TESC: variants seen among roughly 807,000 people sequenced by gnomAD.
The protein encoded by TESC is calcineurin B homologous protein 3.
TESC carries 19 observed loss-of-function variants against 31.0 expected under a neutral mutation model. The observed-to-expected ratio is 0.61, with a 90% CI of 0.43 to 0.90. The LOEUF is 0.90. Ranked by LOEUF, TESC falls within the 40% of genes least tolerant of loss-of-function variation. The pLI, the probability that TESC is intolerant of heterozygous loss-of-function variation, is 0.00. For synonymous variants in TESC, 109 were observed against 114.8 expected (o/e 0.95, Z 0.32); for missense variants, 248 against 303.8 (o/e 0.82, Z 1.36).
chr12:117,075,348 G>C lies in TESC; in HGVS notation c.59-8C>G. The C allele has an allele frequency of 6.2e-7, 1 of 1,607,512 alleles. No individual in the cohort carries two copies. The highest frequency in any genetic ancestry group is 8.5e-7 in the Non-Finnish European group (1 of 1,179,438). On this transcript the variant is annotated splice_region_variant and splice_polypyrimidine_tract_variant and intron_variant, in intron 1 of 7. Coordinates refer to ENST00000335209, the MANE Select transcript of TESC (RefSeq NM_017899.4). ...CGATCTGATCCGATGAGACTGAGAA[G>C]TGGGGGAAAGAGAGAAAAACAAGAC...
At chr12:117,057,845 A>C (rs1168265663) in intron 2 of TESC, among the ~76,000 whole-genome samples, 2 of 152,158 alleles carry the variant, frequency 1.3e-5, no homozygotes, top group Non-Finnish European at 2.9e-5. Context: ...GGCTCACTGC[A>C]ACCACAATGG....
At chr12:117,077,879 T>C (rs143012710) in intron 1 of TESC, among the ~76,000 whole-genome samples, 4 of 152,258 alleles carry the variant, frequency 2.6e-5, no homozygotes, top group African/African-American at 9.6e-5. Context: ...AGTCGTGTTC[T>C]CGGAAACCTC....
chr12:117,088,403 G>A (rs1203930287), intron 1 of TESC, among the ~76,000 whole-genome samples: 6 of 152,136 alleles, frequency 3.9e-5, no homozygotes, highest in African/African-American at 1.4e-4. Context: ...AAGGTTGGCC[G>A]GGCACAGTGG....
chr12:117,062,617 G>A (rs1199439391), intron 2 of TESC, among the ~76,000 whole-genome samples: 2 of 135,130 alleles, frequency 1.5e-5, no homozygotes, highest in African/African-American at 6.6e-5. Context: ...GTGGCATGGT[G>A]GTTGGTGCCT....
At position 117,097,100 on chromosome 12, in the gene TESC, CT is replaced by C. The variant is rs144401978; in HGVS notation, c.58+2124del. 4.4e-3 allele frequency among the ~76,000 whole-genome samples: 673 copies of C among 152,342 alleles called. 3 individuals carry two copies. The highest frequency in any genetic ancestry group is 0.015 in the African/African-American group (630 of 41,580). On this transcript the variant is annotated intron_variant, in intron 1 of 7. Transcript: ENST00000335209. ...CGAGTCATCTCTAAATCCCCAGCCC[CT>C]GGTCTATAAATATTTGCTAAGTGGG...
intron 3 of TESC, among the ~76,000 whole-genome samples, chr12:117,056,449 C>T (rs191388443): frequency 5.9e-4 from 84 of 141,560 alleles, no homozygotes; most frequent in African/African-American, 2.3e-3. Context: ...TCATGGCTCA[C>T]TGCAGCCTCG....
intron 1 of TESC, among the ~76,000 whole-genome samples, chr12:117,092,545 G>A (rs1467001568): frequency 6.6e-6 from 1 of 152,232 alleles, no homozygotes; most frequent in African/African-American, 2.4e-5. Flanking sequence ...GAGGCTGGGG[G>A]GGTCCCATGA....
At position 117,086,268 on chromosome 12, in the gene TESC, A is replaced by AT. The variant is rs113210754; in HGVS notation, c.59-10929dup. Among the ~76,000 whole-genome samples the AT allele has an allele frequency of 6.4e-3, 942 of 147,944 alleles. 8 individuals are homozygous for AT. The highest frequency in any genetic ancestry group is 0.025 in the Admixed American group (370 of 14,806). On this transcript the variant is annotated intron_variant, in intron 1 of 7. Coordinates refer to ENST00000335209, the MANE Select transcript of TESC (RefSeq NM_017899.4). ...TAATGCCAATGAATTATACACTTTA[A>AT]TTTTTTTTTTTTTAATAGGGATGGG...
chr12:117,068,404 C>T (rs1333215671), intron 2 of TESC, among the ~76,000 whole-genome samples: 3 of 152,088 alleles, frequency 2.0e-5, no homozygotes, highest in Non-Finnish European at 2.9e-5. Flanking sequence ...GAGGTGGGTG[C>T]CATAATCCCA....
chr12:117,073,025 G>A (rs763011118), intron 2 of TESC, among the ~76,000 whole-genome samples: 26 of 152,170 alleles, frequency 1.7e-4, no homozygotes, highest in Non-Finnish European at 3.4e-4. Flanking sequence ...AGCAAAGCAC[G>A]CCCTTGACAC....
chr12:117,094,734 C>G (rs192692406), intron 1 of TESC, among the ~76,000 whole-genome samples: 67 of 152,138 alleles, frequency 4.4e-4, no homozygotes, highest in African/African-American at 1.6e-3. Flanking sequence ...ACAGGGTTAA[C>G]GCTGTGCGCG....
In TESC at chr12:117,041,962, GA is replaced by G; in HGVS notation, c.551del (p.Phe184SerfsTer5). ...EPDQVYEGIT[F>X]EDFLKIWQGI... ...GGCCACCCACCTTCAGGAAGTCCTC[GA>G]AGGTGATCCCCTCGTACACCTGATC... On this transcript the variant is annotated frameshift_variant, in exon 7 of 8. Transcript: ENST00000335209. LOFTEE classifies it high-confidence loss of function. The G allele has an allele frequency of 6.3e-7, 1 of 1,593,036 alleles. No homozygotes were observed. Among genetic ancestry groups the G allele is most frequent in the Non-Finnish European group, 8.6e-7 (1 of 1,169,404 alleles).
Position 117,099,385 on chromosome 12 carries a change from G to C in TESC, c.-103C>G. 8.4e-7 allele frequency: 1 copy of C among 1,185,316 alleles called. No homozygotes were observed. The highest frequency in any genetic ancestry group is 1.1e-6 in the Non-Finnish European group (1 of 929,350). The allele number at this position is 1,185,316 out of a possible 1,614,324, so 73.4% of individuals were successfully genotyped here. On this transcript the variant is annotated 5_prime_UTR_variant, in exon 1 of 8. Transcript: ENST00000335209. ...GGCCTCGGGTCCGGCCTCGGGTCGG[G>C]ACGCCGGCGAAGGCTCGGAGCCGCG...
At chr12:117,045,320 A>G (rs748616607) in intron 6 of TESC, among the ~76,000 whole-genome samples, 11 of 152,240 alleles carry the variant, frequency 7.2e-5, no homozygotes, top group Non-Finnish European at 1.3e-4. Context: ...GGTTTTATGC[A>G]GATCAGCAGC....
rs1265957613 is a variant in TESC at position 117,075,913 on chromosome 12, A to ATATGTGTG, written c.59-574_59-573insCACACATA. Among the ~76,000 whole-genome samples the ATATGTGTG allele has an allele frequency of 2.4e-3, 124 of 51,914 alleles. 3 individuals are homozygous for ATATGTGTG. Among genetic ancestry groups the ATATGTGTG allele is most frequent in the African/African-American group, 7.9e-3 (77 of 9,724 alleles). The allele number at this position is 51,914 out of a possible 152,430, so 34.1% of individuals were successfully genotyped here. A position where few individuals can be genotyped will look rare whatever the true frequency, so the allele number is the denominator to read the frequency against. ...TATATATATATATATATATATATAT[A>ATATGTGTG]TGTGTGTGTGTATATATATATATAT... On this transcript the variant is annotated intron_variant, in intron 1 of 7. Transcript: ENST00000335209.
At chr12:117,047,379 G>A (rs1954584049) in intron 4 of TESC, among the ~76,000 whole-genome samples, 2 of 151,976 alleles carry the variant, frequency 1.3e-5, no homozygotes, top group African/African-American at 4.8e-5. Flanking sequence ...GCACGGCCTT[G>A]GGAGCTGGAG....
chr12:117,067,080 G>A (rs555260931), intron 2 of TESC, among the ~76,000 whole-genome samples: 20 of 152,220 alleles, frequency 1.3e-4, no homozygotes, highest in African/African-American at 3.9e-4. Context: ...CCTCACGCCC[G>A]CTGTCTTTTC....
intron 2 of TESC, among the ~76,000 whole-genome samples, chr12:117,074,079 A>G (rs1955017283): frequency 6.6e-6 from 1 of 152,108 alleles, no homozygotes; most frequent in Non-Finnish European, 1.5e-5. Context: ...TTAAAAAATT[A>G]GCTGGTGTGG....
At position 117,078,398 on chromosome 12, in the gene TESC, G is replaced by A. The variant is rs529766307; in HGVS notation, c.59-3058C>T. Among the ~76,000 whole-genome samples the A allele has an allele frequency of 9.2e-5, 14 of 152,220 alleles. No individual in the cohort carries two copies. The South Asian group carries it at 2.1e-3, about 23-fold the overall frequency. ...GGAGAATCGCTTGAGCCCGGGAGGC[G>A]GAGGTTGCAGTGAGCCAAAATCGCA... On this transcript the variant is annotated intron_variant, in intron 1 of 7. Transcript: ENST00000335209.
Sources: gnomAD v4.1 joint callset for allele counts (sites outside exome capture counted in the v4.1 genomes callset) on GRCh38, gnomAD v4.1.1 for gene constraint, MANE v1.5 for transcripts, NCBI Gene and HGNC (gene_info 2026-07-23, HGNC 2026-07-21) for gene names.